The following PATL1 variants were observed in gnomAD, a reference collection of about 807,000 sequenced individuals.
PATL1 encodes PAT1 homolog 1, processing body mRNA decay factor.
Under a neutral mutation model 100.6 loss-of-function variants are expected in PATL1, and 32 were observed. That is an observed-to-expected ratio of 0.32 (90% CI 0.24 to 0.43). The LOEUF (loss-of-function observed/expected upper bound fraction) is 0.43. Among genes scored for constraint, PATL1 ranks in the 20% least tolerant of loss-of-function variants. The probability of loss-of-function intolerance (pLI) is 1.00; values close to 1 mark genes in which losing one functional copy is unlikely to be tolerated. For missense variants in PATL1, 747 were observed against 949.9 expected (o/e 0.79, Z 2.81); for synonymous variants, 332 against 330.0 (o/e 1.01, Z -0.07).
At position 59,650,507 on chromosome 11, in the gene PATL1, A is replaced by C. The variant is rs537991320; in HGVS notation, c.1584+247T>G. ...CCAGACACTCAGCTGTTAACTGAAT[A>C]AGCTTGGACAAAAACCCAATACACT... On this transcript the variant is annotated intron_variant, in intron 13 of 18. Coordinates refer to ENST00000300146, the MANE Select transcript of PATL1 (RefSeq NM_152716.3). Among the ~76,000 whole-genome samples the C allele has an allele frequency of 2.0e-5, 3 of 152,356 alleles. No individual in the cohort carries two copies. In the East Asian group the frequency reaches 5.8e-4, roughly 29 times the overall value.
In PATL1 at chr11:59,652,984, C is replaced by G. The variant is rs1861468291; in HGVS notation, c.1156G>C (p.Gly386Arg). 6.2e-7 allele frequency: 1 copy of G among 1,613,944 alleles called. No individual in the cohort carries two copies. The highest frequency in any genetic ancestry group is 1.6e-4 in the Middle Eastern group (1 of 6,062). Reference protein sequence around the residue: ...HRNLNGAGDRGSHRSSHQDHL... With the variant: ...HRNLNGAGDRRSHRSSHQDHL... Reference sequence around the variant, plus strand: ...TCTTGATGACTGCTCCGGTGACTTCCTCTATCTCCCGCACCATTGAGATTC... The same window carrying G: ...TCTTGATGACTGCTCCGGTGACTTCGTCTATCTCCCGCACCATTGAGATTC... The change falls in exon 10 of 19, where the codon GGA becomes CGA. Residue 386 changes from glycine (G) to arginine (R), a missense_variant. Physicochemically the swap from Gly to Arg is moderately radical, Grantham distance 125. Coordinates refer to ENST00000300146, the MANE Select transcript of PATL1 (RefSeq NM_152716.3).
Position 59,655,704 on chromosome 11 carries a change from G to A in PATL1, c.850C>T (p.Arg284Trp), listed in dbSNP as rs776032266. Reference protein sequence around the residue: ...PGRMSPSQFARVPGFVGSPLA... With the variant: ...PGRMSPSQFAWVPGFVGSPLA... ...GGACTACCAACAAATCCAGGGACCC[G>A]TGCAAACTGGCTGGGAGACATCCGT... The change falls in exon 8 of 19, where the codon CGG becomes TGG. Residue 284 changes from arginine to tryptophan, a missense_variant. Physicochemically the swap from Arg to Trp is moderately radical, Grantham distance 101 (BLOSUM62 -3). This residue lies in a region of PATL1 where 127 missense variants were observed against 116.0 expected (regional missense o/e 1.09). Coordinates refer to ENST00000300146, the MANE Select transcript of PATL1 (RefSeq NM_152716.3). 4 of 1,601,924 alleles carry A rather than the reference G, an allele frequency of 2.5e-6. No homozygotes were observed. The highest frequency in any genetic ancestry group is 3.4e-6 in the Non-Finnish European group (4 of 1,174,182).
intron 15 of PATL1, among the ~76,000 whole-genome samples, chr11:59,645,464 CA>C (rs1188509493): frequency 6.7e-6 from 1 of 150,010 alleles, no homozygotes; most frequent in Non-Finnish European, 1.5e-5. Context: ...TTGAGGCTTG[CA>C]AAAACAGTTA....
At chr11:59,642,815 A>G (rs957258881) in intron 16 of PATL1, 65 bp downstream of exon 16, 1 of 1,494,766 alleles carries the variant, frequency 6.7e-7, no homozygotes, top group Admixed American at 2.0e-5. Flanking sequence ...AGCAGCCATT[A>G]TTTTAATCTA....
At chr11:59,652,416 C>T in intron 11 of PATL1, 48 bp downstream of exon 11, 10 of 1,577,364 alleles carry the variant, frequency 6.3e-6, no homozygotes, top group Non-Finnish European at 8.6e-6. Flanking sequence ...ACATCAGCAG[C>T]TTCTCAAATT....
chr11:59,639,131 T>A lies in PATL1; in HGVS notation c.2208A>T (p.Pro736=), dbSNP rs762453932. The A allele has an allele frequency of 1.2e-6, 2 of 1,614,058 alleles. No individual in the cohort carries two copies. The highest frequency in any genetic ancestry group is 1.7e-6 in the Non-Finnish European group (2 of 1,179,898). The part of the protein sequence containing the change: ...LRIPQAALAK[P]ISIPTNLVSL... ...ACACTAGGTTTGTAGGTATAGAGATTGGCTTGGCCAGGGCTGCTTGGGGAA... is the reference window on the plus strand; with the variant it reads ...ACACTAGGTTTGTAGGTATAGAGATAGGCTTGGCCAGGGCTGCTTGGGGAA... The change falls in exon 18 of 19, where the codon CCA becomes CCT. Residue 736 remains proline, a synonymous_variant. Transcript: ENST00000300146.
At chr11:59,662,538 T>C (rs1211418609) in intron 2 of PATL1, among the ~76,000 whole-genome samples, 2 of 152,112 alleles carry the variant, frequency 1.3e-5, no homozygotes, top group East Asian at 3.8e-4. Flanking sequence ...TGAAAGAAAA[T>C]ATTTAAAGAA....
At chr11:59,642,779 C>A in intron 16 of PATL1, 101 bp downstream of exon 16, 1 of 1,292,524 alleles carries the variant, frequency 7.7e-7, no homozygotes, top group Non-Finnish European at 1.1e-6. Flanking sequence ...CTGAAAGAAG[C>A]CTTTTTCCCA....
At position 59,647,924 on chromosome 11, in the gene PATL1, G is replaced by A; in HGVS notation, c.1734-11C>T. ...TGGTCATCACTAGGCCTGCAAGGAA[G>A]AAAAATGCCAGCTTAGGTCAGCAAG... On this transcript the variant is annotated splice_polypyrimidine_tract_variant and intron_variant, in intron 14 of 18. Transcript: ENST00000300146. 1 of 1,581,188 alleles carries A rather than the reference G, an allele frequency of 6.3e-7. No homozygotes were observed. Among genetic ancestry groups the A allele is most frequent in the South Asian group, 1.1e-5 (1 of 87,304 alleles).
chr11:59,652,981 T>C lies in PATL1; in HGVS notation c.1159A>G (p.Ser387Gly), dbSNP rs200994054. ...RNLNGAGDRGSHRSSHQDHLR... is the reference protein window; with the variant it reads ...RNLNGAGDRGGHRSSHQDHLR... ...TGATCTTGATGACTGCTCCGGTGAC[T>C]TCCTCTATCTCCCGCACCATTGAGA... The change falls in exon 10 of 19, where the codon AGT (serine) becomes GGT (glycine). Residue 387 changes from serine to glycine, a missense_variant. Transcript: ENST00000300146. 1 of 1,613,942 alleles carries C rather than the reference T, an allele frequency of 6.2e-7. No individual in the cohort carries two copies. Among genetic ancestry groups the C allele is most frequent in the South Asian group, 1.1e-5 (1 of 91,072 alleles).
chr11:59,645,692 A>AT (rs1861355141), intron 15 of PATL1, among the ~76,000 whole-genome samples: 1 of 152,252 alleles, frequency 6.6e-6, no homozygotes, highest in Non-Finnish European at 1.5e-5. Flanking sequence ...CTCATTAAAT[A>AT]TATTTGATAT....
At chr11:59,659,534 A>ATT in intron 2 of PATL1, 65 bp from the exon 3 acceptor site, 1 of 1,355,288 alleles carries the variant, frequency 7.4e-7, no homozygotes, top group Non-Finnish European at 1.0e-6. Flanking sequence ...TTACACAATT[A>ATT]TTGTTTTTTT....
intron 2 of PATL1, 141 bp downstream of exon 2, chr11:59,666,712 T>C: frequency 1.2e-6 from 1 of 862,908 alleles, no homozygotes; most frequent in South Asian, 2.3e-5. Context: ...AAGAATGAAC[T>C]ATTCTAAGAT....
At position 59,659,567 on chromosome 11, in the gene PATL1, T is replaced by C. The variant is rs1175734158; in HGVS notation, c.128-98A>G. The C allele has an allele frequency of 2.5e-6, 3 of 1,178,704 alleles. No individual in the cohort carries two copies. The African/African-American group carries it at 4.6e-5, about 18-fold the overall frequency. The allele number at this position is 1,178,704 out of a possible 1,614,324, so 73.0% of individuals were successfully genotyped here. ...TTTTTTTTTAGACAGAGTCTCACTC[T>C]GTCGCCCAGGCTGCAGTGCAGTGGC... On this transcript the variant is annotated intron_variant, in intron 2 of 18. Transcript: ENST00000300146.
In PATL1 at chr11:59,652,927, T is replaced by C. The variant is rs1248596538; in HGVS notation, c.1213A>G (p.Met405Val). Reference sequence around the variant, plus strand: ...ACCCAATCCTTTTCCCGCTGCAACATGAGATTGGCATATGGATCCTTTCGG... The same window carrying C: ...ACCCAATCCTTTTCCCGCTGCAACACGAGATTGGCATATGGATCCTTTCGG... ...HLRKDPYANL[M>V]LQREKDWVSK... Residue 405 changes from methionine (M) to valine (V), a missense_variant, in exon 10 of 19, where the codon ATG becomes GTG. By Grantham distance (21) the Met-to-Val change is conservative (BLOSUM62 1). Around this residue, in one of 4 missense-constraint regions of PATL1, gnomAD observed 434 missense variants for 596.1 expected, o/e 0.73. Coordinates refer to ENST00000300146, the MANE Select transcript of PATL1 (RefSeq NM_152716.3). The C allele has an allele frequency of 6.2e-7, 1 of 1,611,720 alleles. No individual in the cohort carries two copies. Among genetic ancestry groups the C allele is most frequent in the East Asian group, 2.2e-5 (1 of 44,860 alleles).
chr11:59,656,654 AC>A, intron 5 of PATL1, 54 bp from the exon 6 acceptor site: 1 of 1,469,234 alleles, frequency 6.8e-7, no homozygotes, highest in African/African-American at 1.4e-5. Flanking sequence ...TTTTTCTTCC[AC>A]CTACACTCCC....
chr11:59,654,129 A>T, intron 8 of PATL1, 57 bp from the exon 9 acceptor site: 2 of 1,427,976 alleles, frequency 1.4e-6, no homozygotes, highest in South Asian at 2.3e-5. Flanking sequence ...TTGAAATTTT[A>T]AAGAATGTTG....
At chr11:59,643,662 G>A (rs536607680) in intron 15 of PATL1, among the ~76,000 whole-genome samples, 12 of 152,136 alleles carry the variant, frequency 7.9e-5, no homozygotes, top group South Asian at 2.1e-4. Flanking sequence ...ACCACATTCC[G>A]GCTTGGGTGA....
At chr11:59,646,281 T>C (rs1861364888) in intron 15 of PATL1, among the ~76,000 whole-genome samples, 1 of 139,656 alleles carries the variant, frequency 7.2e-6, no homozygotes, top group South Asian at 2.2e-4. Flanking sequence ...TTGTGGAATT[T>C]TTTTTTTTTT....
Sources: allele counts gnomAD v4.1 joint callset (sites outside exome capture counted in the v4.1 genomes callset), GRCh38; gene constraint gnomAD v4.1.1; regional missense constraint gnomAD v4.1.1; transcripts MANE v1.5; gene names NCBI Gene and HGNC (gene_info 2026-07-23, HGNC 2026-07-21).